Variants in MRAP2 observed in about 807,000 individuals in gnomAD.
MRAP2 encodes the protein melanocortin-2 receptor accessory protein 2.
MRAP2 carries 20 observed loss-of-function variants against 17.4 expected under a neutral mutation model. That is an observed-to-expected ratio of 1.15 (90% CI 0.81 to 1.67). The LOEUF (loss-of-function observed/expected upper bound fraction) is 1.67. Ranked by LOEUF, MRAP2 falls within the 40% of genes most tolerant of loss-of-function variation. MRAP2 has a pLI of 0.00. For missense variants in MRAP2, 238 were observed against 240.0 expected (o/e 0.99, Z 0.05); for synonymous variants, 96 against 88.4 (o/e 1.09, Z -0.48).
chr6:84,077,609 G>T (rs969685405), intron 3 of MRAP2, among the ~76,000 whole-genome samples: 1 of 152,102 alleles, frequency 6.6e-6, no homozygotes, highest in Non-Finnish European at 1.5e-5. Flanking sequence ...CAGAGTACAG[G>T]TCTGGAACAT....
At chr6:84,139,198 T>TA in the MRAP2 span, among the ~76,000 whole-genome samples, 9 of 152,220 alleles carry the variant, frequency 5.9e-5, 1 homozygote, top group Non-Finnish European at 1.3e-4. Flanking sequence ...AGATGCTTAT[T>TA]AGCCCAGAGA....
At chr6:84,109,911 T>C in the MRAP2 span, among the ~76,000 whole-genome samples, 2 of 152,138 alleles carry the variant, frequency 1.3e-5, no homozygotes, top group African/African-American at 4.8e-5. Flanking sequence ...TTCATCCATG[T>C]CCCTGCAAAG....
the MRAP2 span, chr6:84,125,349 G>A: frequency 7.4e-7 from 1 of 1,349,350 alleles, no homozygotes; most frequent in South Asian, 1.2e-5. Context: ...CAATCTTAAA[G>A]TAGGCAAACC....
chr6:84,079,496 A>T (rs79882355), intron 3 of MRAP2, among the ~76,000 whole-genome samples: 1 of 152,198 alleles, frequency 6.6e-6, no homozygotes, highest in East Asian at 1.9e-4. Context: ...ATTAAAATTC[A>T]TCATATTTTG....
chr6:84,056,368 G>A (rs1049751568), intron 2 of MRAP2, among the ~76,000 whole-genome samples: 2 of 152,174 alleles, frequency 1.3e-5, no homozygotes, highest in Non-Finnish European at 2.9e-5. Context: ...ATGATCTCTT[G>A]CACCAACTTG....
At chr6:84,073,076 G>A (rs967400549) in intron 3 of MRAP2, among the ~76,000 whole-genome samples, 7 of 152,230 alleles carry the variant, frequency 4.6e-5, no homozygotes, top group East Asian at 1.9e-4. Context: ...GTCCTTCCCC[G>A]AATTCTGGCC....
the MRAP2 span, among the ~76,000 whole-genome samples, chr6:84,105,369 C>T: frequency 6.6e-6 from 1 of 152,124 alleles, no homozygotes; most frequent in South Asian, 2.1e-4. Flanking sequence ...TGGCAGAAGG[C>T]AAGGAGGAGC....
chr6:84,068,075 G>A (rs2099495222), intron 3 of MRAP2, among the ~76,000 whole-genome samples: 1 of 152,114 alleles, frequency 6.6e-6, no homozygotes, highest in African/African-American at 2.4e-5. Context: ...TATAAGGTGA[G>A]AGATAAGGAT....
At chr6:84,035,551 A>T in intron 1 of MRAP2, 1 of 396,774 alleles carries the variant, frequency 2.5e-6, no homozygotes, top group Non-Finnish European at 3.4e-6. Context: ...AGAAAGAAAG[A>T]TAAGATATCA....
At chr6:84,134,919 T>TATACACAC in the MRAP2 span, among the ~76,000 whole-genome samples, 115 of 148,372 alleles carry the variant, frequency 7.8e-4, no homozygotes, top group African/African-American at 2.6e-3. Flanking sequence ...AGATCATATA[T>TATACACAC]ACACACACAC....
chr6:84,115,619 G>A, the MRAP2 span, among the ~76,000 whole-genome samples: 2 of 151,986 alleles, frequency 1.3e-5, no homozygotes, highest in Non-Finnish European at 2.9e-5. Context: ...CACCACTGGG[G>A]TATGGAAAAA....
intron 1 of MRAP2, among the ~76,000 whole-genome samples, chr6:84,035,738 T>A (rs182389566): frequency 6.6e-6 from 1 of 152,136 alleles, no homozygotes; most frequent in Non-Finnish European, 1.5e-5. Context: ...GGGGTCATCT[T>A]CTTTTACCTT....
At chr6:84,128,794 C>G in the MRAP2 span, among the ~76,000 whole-genome samples, 7 of 152,088 alleles carry the variant, frequency 4.6e-5, no homozygotes, top group South Asian at 1.2e-3. Flanking sequence ...CTGCACCCAT[C>G]AACCCGTCAT....
At chr6:84,065,912 C>T (rs1172315436) in intron 3 of MRAP2, among the ~76,000 whole-genome samples, 1 of 152,148 alleles carries the variant, frequency 6.6e-6, no homozygotes, top group Admixed American at 6.5e-5. Flanking sequence ...TTTGGACTGT[C>T]TCCACCCTGC....
downstream of MRAP2, among the ~76,000 whole-genome samples, chr6:84,091,716 G>T: frequency 6.6e-6 from 1 of 152,114 alleles, no homozygotes; most frequent in East Asian, 1.9e-4. Flanking sequence ...TCATTTTTAT[G>T]AACTAAATGT....
chr6:84,035,737 T>A (rs1324326552), intron 1 of MRAP2, among the ~76,000 whole-genome samples: 1 of 152,164 alleles, frequency 6.6e-6, no homozygotes, highest in African/African-American at 2.4e-5. Context: ...GGGGGTCATC[T>A]TCTTTTACCT....
the MRAP2 span, chr6:84,126,516 A>T: frequency 1.3e-6 from 2 of 1,511,308 alleles, no homozygotes; most frequent in Admixed American, 4.5e-5. Context: ...TTGTAATCTA[A>T]AATTGACATA....
At chr6:84,075,578 G>A (rs1057089491) in intron 3 of MRAP2, among the ~76,000 whole-genome samples, 1 of 152,110 alleles carries the variant, frequency 6.6e-6, no homozygotes, top group Admixed American at 6.6e-5. Context: ...AAGCATTATG[G>A]CCCCATTATC....
intron 3 of MRAP2, among the ~76,000 whole-genome samples, chr6:84,085,086 C>T (rs142060512): frequency 0.04 from 5,996 of 151,628 alleles, 204 homozygotes; most frequent in African/African-American, 0.093. Context: ...GACAGAGTCT[C>T]ACTCTGTCCC....
Sources: gnomAD v4.1 joint callset for allele counts (sites outside exome capture counted in the v4.1 genomes callset) on GRCh38, gnomAD v4.1.1 for gene constraint, MANE v1.5 for transcripts, NCBI Gene and HGNC (gene_info 2026-07-23, HGNC 2026-07-21) for gene names.